SEMA3A: variants seen among roughly 807,000 people sequenced by gnomAD.
SEMA3A encodes the protein semaphorin 3A.
In SEMA3A, 29 loss-of-function variants were observed where a neutral mutation model predicts 97.9. That is an observed-to-expected ratio of 0.30 (90% CI 0.22 to 0.40). The LOEUF (loss-of-function observed/expected upper bound fraction) is 0.40, where lower values mean the gene tolerates loss of function less well. Ranked by LOEUF, SEMA3A falls within the 10% of genes least tolerant of loss-of-function variation. The pLI is 1.00. For synonymous variants in SEMA3A, 321 were observed against 323.7 expected, an observed-to-expected ratio of 0.99 and a Z score of 0.09; for missense variants, 763 against 951.3, an observed-to-expected ratio of 0.80 and a Z score of 2.60.
At chr7:84,304,837 G>A (rs528717330) in intron 3 of SEMA3A, among the ~76,000 whole-genome samples, 1 of 151,952 alleles carries the variant, frequency 6.6e-6, no homozygotes, top group East Asian at 1.9e-4. Context: ...TAGCATTCTG[G>A]TTTTTATCTA....
intron 12 of SEMA3A, among the ~76,000 whole-genome samples, chr7:83,992,233 C>T (rs933345484): frequency 2.1e-4 from 32 of 150,742 alleles, no homozygotes; most frequent in Middle Eastern, 3.4e-3. Context: ...GTCTTGCTAG[C>T]GGTCTATCAA....
chr7:84,050,713 A>G (rs1222202163), intron 5 of SEMA3A, among the ~76,000 whole-genome samples: 1 of 152,188 alleles, frequency 6.6e-6, no homozygotes, highest in East Asian at 1.9e-4. Context: ...CTTTAGTTTA[A>G]TTAGATCCCA....
chr7:83,992,678 G>A (rs1790012905), intron 12 of SEMA3A, among the ~76,000 whole-genome samples: 1 of 151,512 alleles, frequency 6.6e-6, no homozygotes, highest in African/African-American at 2.4e-5. Context: ...ACTGTGGTCT[G>A]AGAGATAGTT....
intron 1 of SEMA3A, among the ~76,000 whole-genome samples, chr7:84,470,819 C>T (rs925753694): frequency 1.3e-5 from 2 of 152,022 alleles, no homozygotes; most frequent in African/African-American, 4.8e-5. Flanking sequence ...ACCCATTAGG[C>T]TGCCTAAGAT....
chr7:84,006,936 G>A (rs1056649534), intron 10 of SEMA3A, among the ~76,000 whole-genome samples: 1 of 151,946 alleles, frequency 6.6e-6, no homozygotes. Flanking sequence ...TGTATTTCTT[G>A]TTTTGTATGT....
intron 14 of SEMA3A, among the ~76,000 whole-genome samples, chr7:83,980,636 A>G (rs1430773321): frequency 1.7e-5 from 2 of 118,458 alleles, no homozygotes; most frequent in Non-Finnish European, 3.6e-5. Context: ...ATATATATAT[A>G]TATACACACA....
At chr7:84,018,441 T>G (rs1791190042) in intron 6 of SEMA3A, among the ~76,000 whole-genome samples, 1 of 152,184 alleles carries the variant, frequency 6.6e-6, no homozygotes, top group African/African-American at 2.4e-5. Context: ...AAGGTAAAAT[T>G]TTTTTGTCTA....
intron 7 of SEMA3A, 107 bp downstream of exon 7, chr7:84,014,102 G>T: frequency 1.1e-6 from 1 of 879,234 alleles, no homozygotes. Context: ...TGTGAGTCAA[G>T]CTTTAGCCAT....
intron 15 of SEMA3A, among the ~76,000 whole-genome samples, chr7:83,974,124 G>C (rs150378613): frequency 6.6e-6 from 1 of 152,250 alleles, no homozygotes; most frequent in East Asian, 1.9e-4. Flanking sequence ...TGAGGTGTGA[G>C]TGGGAAGACA....
intron 12 of SEMA3A, among the ~76,000 whole-genome samples, chr7:83,987,837 A>T (rs916596123): frequency 4.6e-5 from 7 of 152,124 alleles, no homozygotes; most frequent in Admixed American, 4.6e-4. Flanking sequence ...AATAATTTAG[A>T]ATAGTCTACA....
intron 4 of SEMA3A, among the ~76,000 whole-genome samples, chr7:84,065,641 C>A (rs1161816208): frequency 6.6e-6 from 1 of 151,682 alleles, no homozygotes; most frequent in African/African-American, 2.4e-5. Flanking sequence ...ACTACAAACA[C>A]CTCTACGCAA....
rs1030335460 is a variant in SEMA3A, at chr7:83,957,790, T to G, written c.*3581A>C. 6.6e-6 allele frequency: 1 copy of G among 152,114 alleles called. No homozygotes were observed. Among genetic ancestry groups the G allele is most frequent in the Non-Finnish European group, 1.5e-5 (1 of 67,988 alleles). The allele number at this position is 152,114 out of a possible 1,614,324, so 9.4% of individuals were successfully genotyped here. A position where few individuals can be genotyped will look rare whatever the true frequency, so the allele number is the denominator to read the frequency against. ...CATTAACATTGACTTCAAATAATTA[T>G]TACAAATCAAGTTAAAAGTATAGAT... On this transcript the variant is annotated 3_prime_UTR_variant, in exon 17 of 17. Transcript: ENST00000265362.
intron 1 of SEMA3A, among the ~76,000 whole-genome samples, chr7:84,458,219 C>T (rs1011675024): frequency 6.6e-6 from 1 of 151,944 alleles, no homozygotes; most frequent in African/African-American, 2.4e-5. Flanking sequence ...CAATGCTTCA[C>T]GTTTATATCA....
chr7:84,052,485 T>C (rs1792724165), intron 5 of SEMA3A, among the ~76,000 whole-genome samples: 1 of 152,220 alleles, frequency 6.6e-6, no homozygotes, highest in African/African-American at 2.4e-5. Flanking sequence ...CTGGATTTTC[T>C]AGTTTATTTG....
intron 1 of SEMA3A, among the ~76,000 whole-genome samples, chr7:84,150,224 T>TCA (rs1796587730): frequency 6.6e-6 from 1 of 152,226 alleles, no homozygotes; most frequent in Non-Finnish European, 1.5e-5. Context: ...CTCATGAAAT[T>TCA]GCTGTAGAAG....
At chr7:84,231,344 A>T (rs1799111519) in intron 3 of SEMA3A, among the ~76,000 whole-genome samples, 1 of 152,002 alleles carries the variant, frequency 6.6e-6, no homozygotes, top group African/African-American at 2.4e-5. Flanking sequence ...AGGGAGAAGG[A>T]GTACATGACA....
chr7:84,389,238 T>C (rs1018531766), intron 1 of SEMA3A, among the ~76,000 whole-genome samples: 3 of 152,066 alleles, frequency 2.0e-5, no homozygotes, highest in Non-Finnish European at 2.9e-5. Context: ...ACCTTCTAGA[T>C]ATATTGGAGT....
At chr7:84,401,506 A>C (rs761215633) in intron 1 of SEMA3A, among the ~76,000 whole-genome samples, 133 of 150,018 alleles carry the variant, frequency 8.9e-4, no homozygotes, top group Non-Finnish European at 1.8e-3. Flanking sequence ...AAAAAAAAAA[A>C]CACTAAAATT....
At chr7:84,421,238 T>A (rs1352546830) in intron 1 of SEMA3A, among the ~76,000 whole-genome samples, 6 of 152,014 alleles carry the variant, frequency 3.9e-5, no homozygotes, top group Non-Finnish European at 7.4e-5. Flanking sequence ...TTTATAGTGC[T>A]GAAAGAAGAA....
Sources: gnomAD v4.1 joint callset for allele counts (sites outside exome capture counted in the v4.1 genomes callset) on GRCh38, gnomAD v4.1.1 for gene constraint, MANE v1.5 for transcripts, NCBI Gene and HGNC (gene_info 2026-07-23, HGNC 2026-07-21) for gene names.